The following ENPEP variants were observed in gnomAD, a reference collection of about 807,000 sequenced individuals.
The protein encoded by ENPEP is glutamyl aminopeptidase.
In ENPEP, 103 loss-of-function variants were observed where a neutral mutation model predicts 114.5. That is an observed-to-expected ratio of 0.90 (90% CI 0.77 to 1.06). ENPEP has a LOEUF of 1.06. Among genes scored for constraint, ENPEP ranks in the 50% least tolerant of loss-of-function variants. The probability of loss-of-function intolerance (pLI) is 0.00; values close to 1 mark genes in which losing one functional copy is unlikely to be tolerated. For synonymous variants in ENPEP, 420 were observed against 422.0 expected (o/e 1.00, Z 0.06); for missense variants, 1,196 against 1,161.3 (o/e 1.03, Z -0.43).
chr4:110,493,456 C>T (rs1037092968), intron 3 of ENPEP, among the ~76,000 whole-genome samples: 2 of 152,130 alleles, frequency 1.3e-5, no homozygotes, highest in African/African-American at 2.4e-5. Flanking sequence ...AAGCCAAATT[C>T]CCTTTTGAAA....
At chr4:110,514,047 C>A (rs1469190777) in intron 7 of ENPEP, among the ~76,000 whole-genome samples, 2 of 152,044 alleles carry the variant, frequency 1.3e-5, no homozygotes, top group Non-Finnish European at 2.9e-5. Context: ...AGGATTTTTT[C>A]TTCACTAATA....
intron 3 of ENPEP, among the ~76,000 whole-genome samples, chr4:110,493,080 A>G (rs566691465): frequency 2.6e-5 from 4 of 152,318 alleles, no homozygotes; most frequent in Admixed American, 2.6e-4. Flanking sequence ...GTTATTTTCT[A>G]ATAGTGACAG....
chr4:110,535,071 T>A (rs1002263395), intron 11 of ENPEP, among the ~76,000 whole-genome samples: 3 of 152,196 alleles, frequency 2.0e-5, no homozygotes, highest in African/African-American at 7.2e-5. Context: ...GCATACCACC[T>A]GTTTGCATTT....
At chr4:110,559,776 T>C (rs771455683) in intron 19 of ENPEP, 51 bp downstream of exon 19, 1 of 1,486,390 alleles carries the variant, frequency 6.7e-7, no homozygotes, top group African/African-American at 1.4e-5. Flanking sequence ...AGAATGAAAC[T>C]TTTTTAAAAA....
intron 11 of ENPEP, among the ~76,000 whole-genome samples, chr4:110,531,847 T>A (rs565997971): frequency 6.6e-6 from 1 of 152,306 alleles, no homozygotes; most frequent in East Asian, 1.9e-4. Context: ...TCCTTCTTTT[T>A]ATATTTTTTC....
At chr4:110,545,331 C>T (rs529259758) in intron 13 of ENPEP, among the ~76,000 whole-genome samples, 5 of 152,070 alleles carry the variant, frequency 3.3e-5, no homozygotes, top group Admixed American at 1.3e-4. Context: ...GGGCATATGA[C>T]TCTTTTCAAG....
intron 17 of ENPEP, among the ~76,000 whole-genome samples, chr4:110,551,597 CA>C (rs1409668024): frequency 1.3e-5 from 2 of 152,088 alleles, no homozygotes. Context: ...TAGATTTACC[CA>C]CACAACTGCA....
intron 13 of ENPEP, among the ~76,000 whole-genome samples, chr4:110,543,435 G>C (rs562940981): frequency 2.0e-5 from 3 of 152,040 alleles, no homozygotes; most frequent in African/African-American, 7.2e-5. Context: ...ATTCAGTTCT[G>C]TGAGCCCGAG....
At chr4:110,555,757 T>G (rs74329534) in intron 18 of ENPEP, among the ~76,000 whole-genome samples, 3,119 of 152,152 alleles carry the variant, frequency 0.02, 97 homozygotes, top group African/African-American at 0.071. Flanking sequence ...TTGTGTGTAT[T>G]AAAATTATTT....
chr4:110,559,838 C>T (rs911139441), intron 19 of ENPEP, 113 bp downstream of exon 19: 91 of 798,498 alleles, frequency 1.1e-4, no homozygotes, highest in South Asian at 1.1e-3. Context: ...AGGTTTGTTA[C>T]GTAGGTATAC....
chr4:110,540,404 A>G (rs1035927832), intron 11 of ENPEP, among the ~76,000 whole-genome samples: 1 of 152,146 alleles, frequency 6.6e-6, no homozygotes. Context: ...AATACATACT[A>G]TTGTTATAAT....
At position 110,544,523 on chromosome 4, in the gene ENPEP, A is replaced by T. The variant is rs141246699; in HGVS notation, c.2000+1453A>T. Reference sequence around the variant, plus strand: ...ACAGTATACCACTCACTCATTTAATAAATAAACATTGGCGACTTACTATGT... The same window carrying T: ...ACAGTATACCACTCACTCATTTAATTAATAAACATTGGCGACTTACTATGT... On this transcript the variant is annotated intron_variant, in intron 13 of 19. Transcript: ENST00000265162. 5.7e-3 allele frequency among the ~76,000 whole-genome samples: 862 copies of T among 152,272 alleles called. 10 individuals carry two copies. Among genetic ancestry groups the T allele is most frequent in the Non-Finnish European group, 6.4e-3 (436 of 67,996 alleles).
rs1560570304 is a variant in ENPEP, at chr4:110,549,636, A to G, written c.2330+4A>G. ...AGTGGCTAAATGGGACTGTAAGGTG[A>G]TTACTCACATTGTTATGCTTAGAAG... On this transcript the variant is annotated splice_donor_region_variant and intron_variant, in intron 16 of 19. Coordinates refer to ENST00000265162, the MANE Select transcript of ENPEP (RefSeq NM_001977.4). 6.2e-7 allele frequency: 1 copy of G among 1,613,400 alleles called. No individual in the cohort carries two copies. The highest frequency in any genetic ancestry group is 8.5e-7 in the Non-Finnish European group (1 of 1,179,576).
chr4:110,536,475 A>C (rs1256938765), intron 11 of ENPEP, among the ~76,000 whole-genome samples: 1 of 152,200 alleles, frequency 6.6e-6, no homozygotes, highest in Admixed American at 6.5e-5. Context: ...CTAGAAGTGC[A>C]TCTATTACTT....
chr4:110,488,473 G>GAAT, intron 1 of ENPEP, 68 bp from the exon 2 acceptor site: 1 of 1,461,292 alleles, frequency 6.8e-7, no homozygotes, highest in Admixed American at 2.8e-5. Flanking sequence ...TTTCCCCTAG[G>GAAT]AATAGAGACA....
intron 6 of ENPEP, among the ~76,000 whole-genome samples, chr4:110,511,183 C>T (rs1441437653): frequency 6.6e-6 from 1 of 152,152 alleles, no homozygotes; most frequent in Non-Finnish European, 1.5e-5. Context: ...ATGCTTGAAG[C>T]CCTTACAGTT....
chr4:110,487,559 AATG>A (rs1724551654), intron 1 of ENPEP, among the ~76,000 whole-genome samples: 4 of 152,170 alleles, frequency 2.6e-5, no homozygotes, highest in South Asian at 4.1e-4. Flanking sequence ...GGACTCAATT[AATG>A]TTTCTTGGAT....
At chr4:110,505,361 C>T (rs111897820) in intron 3 of ENPEP, among the ~76,000 whole-genome samples, 4 of 151,786 alleles carry the variant, frequency 2.6e-5, no homozygotes, top group South Asian at 2.1e-4. Context: ...TGAGTTGTGC[C>T]GTCTTCGGAG....
In ENPEP at chr4:110,476,761, C is replaced by T; in HGVS notation, c.347C>T (p.Thr116Met). 11 of 1,614,228 alleles carry T rather than the reference C, an allele frequency of 6.8e-6. No homozygotes were observed. Among genetic ancestry groups the T allele is most frequent in the South Asian group, 6.6e-5 (6 of 91,090 alleles). Reference sequence around the variant, plus strand: ...CCCCTGTTGGAGGAGGACACCTACACGGGCACCGTGAGCATCTCCATCAAC... The same window carrying T: ...CCCCTGTTGGAGGAGGACACCTACATGGGCACCGTGAGCATCTCCATCAAC... ...VKPLLEEDTYTGTVSISINLS... is the reference protein window; with the variant it reads ...VKPLLEEDTYMGTVSISINLS... Residue 116 changes from threonine (T) to methionine (M), a missense_variant, in exon 1 of 20, where the codon ACG (threonine) becomes ATG (methionine). Coordinates refer to ENST00000265162, the MANE Select transcript of ENPEP (RefSeq NM_001977.4).
Sources: allele counts gnomAD v4.1 joint callset (sites outside exome capture counted in the v4.1 genomes callset), GRCh38; gene constraint gnomAD v4.1.1; transcripts MANE v1.5; gene names NCBI Gene and HGNC (gene_info 2026-07-23, HGNC 2026-07-21).